NCAPG: variants seen among roughly 807,000 people sequenced by gnomAD.
NCAPG encodes condensin complex subunit 3.
A neutral mutation model predicts 113.1 loss-of-function variants in NCAPG; 69 were observed. The observed-to-expected ratio is 0.61, with a 90% CI of 0.50 to 0.75. NCAPG has a LOEUF of 0.75. Among genes scored for constraint, NCAPG ranks in the 30% least tolerant of loss-of-function variants. NCAPG has a pLI of 0.00. For missense variants in NCAPG, 1,058 were observed against 1,177.0 expected (o/e 0.90, Z 1.48); for synonymous variants, 370 against 415.8 (o/e 0.89, Z 1.34).
chr4:17,817,132 C>A lies in NCAPG; in HGVS notation c.776-129C>A. 15 of 640,536 alleles carry A rather than the reference C, an allele frequency of 2.3e-5. No individual in the cohort carries two copies. The South Asian group carries it at 2.7e-4, about 11-fold the overall frequency. 39.7% of individuals were successfully genotyped at this position (640,536 alleles called of 1,614,324 possible). A position where few individuals can be genotyped will look rare whatever the true frequency, so the allele number is the denominator to read the frequency against. On this transcript the variant is annotated intron_variant, in intron 5 of 20. Transcript: ENST00000251496. ...GTCTCAAAAAATATATATATACATG[C>A]TTAGTTGTGCCTCTTAACCTCTACT...
intron 17 of NCAPG, 107 bp downstream of exon 17, chr4:17,839,944 T>C: frequency 2.1e-6 from 3 of 1,436,734 alleles, no homozygotes; most frequent in Non-Finnish European, 2.8e-6. Context: ...TGTGACTTAT[T>C]TGAAGTATTT....
chr4:17,828,364 C>G lies in NCAPG; in HGVS notation c.1740C>G (p.Thr580=), dbSNP rs755883669. 1.3e-5 allele frequency: 21 copies of G among 1,605,700 alleles called. No individual in the cohort carries two copies. The highest frequency in any genetic ancestry group is 5.1e-5 in the Admixed American group (3 of 59,288). Residue 580 remains threonine (T), a synonymous_variant, in exon 12 of 21, where the codon ACC becomes ACG. Transcript: ENST00000251496. The part of the protein sequence containing the change: ...QMSISTGLSA[T]MNGIIESLIL... ...CCATTTCAACAGGCTTAAGTGCAAC[C>G]ATGAATGGAATCATCGAATCTTTGG...
intron 19 of NCAPG, chr4:17,842,074 C>CTTAT (rs1722464302): frequency 2.5e-6 from 1 of 393,026 alleles, no homozygotes; most frequent in Non-Finnish European, 4.7e-6. Context: ...TTGAAATTTC[C>CTTAT]TTATTTTCCC....
At chr4:17,814,276 A>C (rs773220273) in intron 3 of NCAPG, among the ~76,000 whole-genome samples, 3 of 152,164 alleles carry the variant, frequency 2.0e-5, no homozygotes, top group Non-Finnish European at 4.4e-5. Flanking sequence ...CCTAAGAGCC[A>C]GTCCGTTGAC....
intron 18 of NCAPG, 81 bp from the exon 19 acceptor site, chr4:17,840,526 T>C (rs1478258048): frequency 3.5e-6 from 3 of 845,426 alleles, no homozygotes; most frequent in Non-Finnish European, 5.0e-6. Context: ...TTCAGTTTTA[T>C]AAAAACTGGT....
At chr4:17,824,410 T>TA (rs753266829) in intron 9 of NCAPG, among the ~76,000 whole-genome samples, 3 of 152,134 alleles carry the variant, frequency 2.0e-5, no homozygotes, top group Non-Finnish European at 4.4e-5. Flanking sequence ...TCCTTATATA[T>TA]ACACCCCTTC....
chr4:17,817,377 GTC>G lies in NCAPG; in HGVS notation c.896_897del (p.Ser299CysfsTer13). ...TGTAGAAAATTCTTCTGAAGTGGCA[GTC>G]TCTGTTCTCAATGCCTTGTTTTCAA... ...LDVENSSEVAVSVLNALFSIT... is the reference protein window; with the variant it reads ...LDVENSSEVAXSVLNALFSIT... On this transcript the variant is annotated frameshift_variant, in exon 6 of 21. Coordinates refer to ENST00000251496, the MANE Select transcript of NCAPG (RefSeq NM_022346.5). LOFTEE classifies it high-confidence loss of function. 6.2e-7 allele frequency: 1 copy of G among 1,614,118 alleles called. No individual in the cohort carries two copies. The highest frequency in any genetic ancestry group is 8.5e-7 in the Non-Finnish European group (1 of 1,179,988).
At chr4:17,813,274 A>G (rs1721071073) in intron 3 of NCAPG, 129 bp downstream of exon 3, 1 of 723,876 alleles carries the variant, frequency 1.4e-6, no homozygotes, top group African/African-American at 1.8e-5. Flanking sequence ...CGATTAAACA[A>G]AAAAAACCTA....
Position 17,812,243 on chromosome 4 carries a change from A to T in NCAPG, c.134A>T (p.His45Leu), listed in dbSNP as rs763426173. 15 of 1,612,692 alleles carry T rather than the reference A, an allele frequency of 9.3e-6. No individual in the cohort carries two copies. The highest frequency in any genetic ancestry group is 1.2e-5 in the Non-Finnish European group (14 of 1,179,516). ...YRTMDDKTVF[H>L]EEFIHYLKYV... ...CAGATGGATGATAAGACAGTTTTTC[A>T]TGAGGAGTTCATTCATTACCTTAAA... The change falls in exon 2 of 21, where the codon CAT becomes CTT. Residue 45 changes from histidine (H) to leucine (L), a missense_variant. Coordinates refer to ENST00000251496, the MANE Select transcript of NCAPG (RefSeq NM_022346.5).
chr4:17,823,708 G>A lies in NCAPG; in HGVS notation c.1321G>A (p.Val441Ile). 1.9e-6 allele frequency: 3 copies of A among 1,608,366 alleles called. No individual in the cohort carries two copies. Residue 441 changes from valine to isoleucine, a missense_variant, in exon 9 of 21, where the codon GTT (valine) becomes ATT (isoleucine). Physicochemically the swap from Val to Ile is conservative, Grantham distance 29 (BLOSUM62 3). Coordinates refer to ENST00000251496, the MANE Select transcript of NCAPG (RefSeq NM_022346.5). Reference protein sequence around the residue: ...LILPTIPISLVSFLVERLLHI... With the variant: ...LILPTIPISLISFLVERLLHI... ...TTTACCCACAATCCCAATATCCCTG[G>A]TTTCTTTTCTTGTTGAAAGACTACT...
chr4:17,831,197 T>A, intron 13 of NCAPG, 81 bp downstream of exon 13: 1 of 1,381,502 alleles, frequency 7.2e-7, no homozygotes, highest in Non-Finnish European at 9.9e-7. Flanking sequence ...TGAATTTATC[T>A]ATTCTGATTC....
chr4:17,839,948 A>G, intron 17 of NCAPG, 111 bp downstream of exon 17: 2 of 1,441,478 alleles, frequency 1.4e-6, no homozygotes, highest in Non-Finnish European at 1.9e-6. Flanking sequence ...ACTTATTTGA[A>G]GTATTTTCTT....
chr4:17,815,109 T>A (rs1272665127), intron 4 of NCAPG, 111 bp downstream of exon 4: 1 of 1,430,320 alleles, frequency 7.0e-7, no homozygotes. Context: ...AGTTGAGGTT[T>A]TATGGAGAAC....
intron 13 of NCAPG, among the ~76,000 whole-genome samples, chr4:17,832,051 G>C (rs1347058879): frequency 6.6e-6 from 1 of 152,176 alleles, no homozygotes; most frequent in Non-Finnish European, 1.5e-5. Context: ...ATACATAAAT[G>C]AATTAGTATG....
At chr4:17,820,065 A>G (rs1285278085) in intron 7 of NCAPG, among the ~76,000 whole-genome samples, 2 of 152,192 alleles carry the variant, frequency 1.3e-5, no homozygotes, top group Non-Finnish European at 2.9e-5. Context: ...GTTTAATAAT[A>G]TATATAAATA....
At chr4:17,836,456 ATTTTTTTCT>A (rs1722098374) in intron 14 of NCAPG, among the ~76,000 whole-genome samples, 5 of 152,152 alleles carry the variant, frequency 3.3e-5, no homozygotes, top group Admixed American at 3.3e-4. Context: ...AGATACACTC[ATTTTTTTCT>A]TTTGTTGCTT....
intron 15 of NCAPG, 59 bp downstream of exon 15, chr4:17,837,399 T>C: frequency 6.9e-7 from 1 of 1,445,172 alleles, no homozygotes; most frequent in Non-Finnish European, 9.5e-7. Context: ...AAGTCCCCCA[T>C]GAATTATATC....
rs1055007131 is a variant in NCAPG at position 17,840,343 on chromosome 4, C to T, written c.2767+134C>T. 5 of 956,390 alleles carry T rather than the reference C, an allele frequency of 5.2e-6. No homozygotes were observed. In the Admixed American group the frequency reaches 1.5e-4, roughly 28 times the overall value. 59.2% of individuals were successfully genotyped at this position (956,390 alleles called of 1,614,324 possible). ...AATGAAATTTTTTTTCTAATTAATCCTCTTGGGAAAGAGCATTACTGATAA... is the reference window on the plus strand; with the variant it reads ...AATGAAATTTTTTTTCTAATTAATCTTCTTGGGAAAGAGCATTACTGATAA... On this transcript the variant is annotated intron_variant, in intron 18 of 20. Transcript: ENST00000251496.
chr4:17,814,266 C>T (rs16895802), intron 3 of NCAPG, among the ~76,000 whole-genome samples: 1 of 152,046 alleles, frequency 6.6e-6, no homozygotes. Flanking sequence ...TCACTTTTGG[C>T]CTAAGAGCCA....
Sources: allele counts gnomAD v4.1 joint callset (sites outside exome capture counted in the v4.1 genomes callset), GRCh38; gene constraint gnomAD v4.1.1; transcripts MANE v1.5; gene names NCBI Gene and HGNC (gene_info 2026-07-23, HGNC 2026-07-21).